Variants in CASD1 observed in about 807,000 individuals in gnomAD.
CASD1 encodes CAS1 domain sialic acid O acetyltransferase 1.
Under a neutral mutation model 100.0 loss-of-function variants are expected in CASD1, and 41 were observed. That is an observed-to-expected ratio of 0.41 (90% CI 0.32 to 0.53). The LOEUF (loss-of-function observed/expected upper bound fraction) is 0.53, where lower values mean the gene tolerates loss of function less well. Among genes scored for constraint, CASD1 ranks in the 20% least tolerant of loss-of-function variants. The probability of loss-of-function intolerance (pLI) is 0.25; values close to 1 mark genes in which losing one functional copy is unlikely to be tolerated. For missense variants in CASD1, 774 were observed against 948.7 expected (o/e 0.82, Z 2.42); for synonymous variants, 321 against 315.6 (o/e 1.02, Z -0.18).
chr7:94,527,423 G>A lies in CASD1; in HGVS notation c.396+217G>A, dbSNP rs926618885. On this transcript the variant is annotated intron_variant, in intron 4 of 17. Coordinates refer to ENST00000297273, the MANE Select transcript of CASD1 (RefSeq NM_022900.5). ...TGAATTTGAAACCAGTATGTGTTCC[G>A]GGTTAATGTCCATAAAAGAATATAT... 3.3e-5 allele frequency among the ~76,000 whole-genome samples: 5 copies of A among 152,236 alleles called. No homozygotes were observed. In the South Asian group the frequency reaches 6.2e-4, roughly 19 times the overall value.
intron 1 of CASD1, among the ~76,000 whole-genome samples, chr7:94,510,951 G>A (rs1409942256): frequency 6.6e-6 from 1 of 152,226 alleles, no homozygotes; most frequent in Non-Finnish European, 1.5e-5. Context: ...GCAGTTGAAA[G>A]CAAGTTGTAA....
chr7:94,605,868 C>A, the CASD1 span, among the ~76,000 whole-genome samples: 2 of 152,028 alleles, frequency 1.3e-5, no homozygotes, highest in African/African-American at 4.8e-5. Context: ...CACAGTCTCG[C>A]CCTGTCACCC....
At chr7:94,578,513 C>A in the CASD1 span, among the ~76,000 whole-genome samples, 1 of 152,070 alleles carries the variant, frequency 6.6e-6, no homozygotes, top group South Asian at 2.1e-4. Context: ...TTTCTGTTGG[C>A]CTTCTTTTCA....
chr7:94,554,170 T>C (rs1005840755), intron 16 of CASD1: 14 of 174,912 alleles, frequency 8.0e-5, no homozygotes, highest in African/African-American at 3.3e-4. Context: ...TACATAAATA[T>C]GATAGCAACT....
chr7:94,536,190 C>T (rs1271010270), intron 8 of CASD1, among the ~76,000 whole-genome samples: 2 of 152,130 alleles, frequency 1.3e-5, no homozygotes, highest in East Asian at 1.9e-4. Context: ...TTGCAGTGAG[C>T]CAAGATCCCG....
rs759320384 is a variant in CASD1 at position 94,551,395 on chromosome 7, A to G, written c.1873A>G (p.Ile625Val). Residue 625 changes from isoleucine to valine, a missense_variant, in exon 15 of 18, where the codon ATA (isoleucine) becomes GTA (valine). By Grantham distance (29) the Ile-to-Val change is conservative. Coordinates refer to ENST00000297273, the MANE Select transcript of CASD1 (RefSeq NM_022900.5). ...TTATCTGGCTTTGCAGAAGCGTCAA[A>G]TACTTTCTGAAGGAAAGGGTGAACC... ...FIYLALQKRQ[I>V]LSEGKGEPLF... 5.8e-6 allele frequency: 9 copies of G among 1,560,918 alleles called. No homozygotes were observed. In the South Asian group the frequency reaches 9.9e-5, roughly 17 times the overall value.
chr7:94,599,931 A>G, the CASD1 span: 1 of 412,332 alleles, frequency 2.4e-6, no homozygotes, highest in South Asian at 7.0e-5. Context: ...ACATAGAAAA[A>G]TGAAAAAAAT....
chr7:94,565,977 A>G, the CASD1 span, among the ~76,000 whole-genome samples: 1 of 152,168 alleles, frequency 6.6e-6, no homozygotes, highest in Non-Finnish European at 1.5e-5. Flanking sequence ...TCCAAAACCA[A>G]GATTACCATT....
chr7:94,618,644 T>G, the CASD1 span: 3 of 817,222 alleles, frequency 3.7e-6, no homozygotes, highest in Non-Finnish European at 5.9e-6. Flanking sequence ...TTACAATATC[T>G]ATTTCTTATT....
chr7:94,532,173 AACCATAG>A (rs1794883598), intron 5 of CASD1, among the ~76,000 whole-genome samples: 1 of 152,156 alleles, frequency 6.6e-6, no homozygotes, highest in Non-Finnish European at 1.5e-5. Context: ...ATGTGCCTGA[AACCATAG>A]ATGGTACCAA....
the CASD1 span, among the ~76,000 whole-genome samples, chr7:94,564,841 G>A: frequency 6.6e-6 from 1 of 152,142 alleles, no homozygotes; most frequent in African/African-American, 2.4e-5. Context: ...GGGAAGAACT[G>A]AAGAAAGCTT....
chr7:94,519,985 T>C (rs927924104), intron 3 of CASD1, among the ~76,000 whole-genome samples: 6 of 152,246 alleles, frequency 3.9e-5, no homozygotes, highest in South Asian at 4.1e-4. Context: ...GTACATTGTT[T>C]CTGAGCCCTA....
chr7:94,535,672 A>AT, intron 8 of CASD1, 149 bp downstream of exon 8: 1 of 636,650 alleles, frequency 1.6e-6, no homozygotes, highest in South Asian at 2.0e-5. Flanking sequence ...TCTAGAAATT[A>AT]TTTTGCTTTC....
chr7:94,515,014 T>C (rs1050938571), intron 1 of CASD1, among the ~76,000 whole-genome samples: 1 of 152,106 alleles, frequency 6.6e-6, no homozygotes, highest in African/African-American at 2.4e-5. Flanking sequence ...TTATGGAGTT[T>C]TTTCTGGATC....
At chr7:94,606,097 G>A in the CASD1 span, among the ~76,000 whole-genome samples, 3 of 152,212 alleles carry the variant, frequency 2.0e-5, no homozygotes, top group East Asian at 5.8e-4. Flanking sequence ...CCAAAGTGCT[G>A]GGATTACAGG....
At chr7:94,575,122 C>T in the CASD1 span, among the ~76,000 whole-genome samples, 1 of 152,060 alleles carries the variant, frequency 6.6e-6, no homozygotes, top group East Asian at 1.9e-4. Context: ...GTCTTGAATT[C>T]TTTCAGTTGT....
chr7:94,586,929 TAAC>T, the CASD1 span: 1 of 982,912 alleles, frequency 1.0e-6, no homozygotes, highest in Non-Finnish European at 1.2e-6. Context: ...AATAAAACAA[TAAC>T]AACAAAACAA....
chr7:94,572,041 T>C, the CASD1 span, among the ~76,000 whole-genome samples: 2 of 152,108 alleles, frequency 1.3e-5, no homozygotes, highest in African/African-American at 2.4e-5. Flanking sequence ...ACATCTGGGA[T>C]TGTGGCTTTT....
At chr7:94,623,823 G>GT in the CASD1 span, 137 of 364,438 alleles carry the variant, frequency 3.8e-4, no homozygotes, top group African/African-American at 2.2e-3. Context: ...ATATCTTTGT[G>GT]TTTTTTTGCA....
Sources: gnomAD v4.1 joint callset for allele counts (sites outside exome capture counted in the v4.1 genomes callset) on GRCh38, gnomAD v4.1.1 for gene constraint, MANE v1.5 for transcripts, NCBI Gene and HGNC (gene_info 2026-07-23, HGNC 2026-07-21) for gene names.